The following LYST variants were observed in gnomAD, a reference collection of about 807,000 sequenced individuals.
The protein encoded by LYST is lysosomal trafficking regulator.
LYST carries 192 observed loss-of-function variants against 413.6 expected under a neutral mutation model. That is an observed-to-expected ratio of 0.46 (90% confidence interval 0.41 to 0.52). The LOEUF is 0.52. LYST is among the 20% of genes least tolerant of loss of function. The pLI, the probability that LYST is intolerant of heterozygous loss-of-function variation, is 0.00. For synonymous variants in LYST, 1,525 were observed against 1,567.3 expected (o/e 0.97, Z 0.64); for missense variants, 3,815 against 4,499.9 (o/e 0.85, Z 4.35).
chr1:235,698,893 A>T (rs1661322293), intron 45 of LYST, among the ~76,000 whole-genome samples: 2 of 151,862 alleles, frequency 1.3e-5, no homozygotes, highest in Admixed American at 6.6e-5. Context: ...AAACAAAAAC[A>T]AAAAAAATCA....
chr1:235,837,069 T>C (rs1190498715), intron 1 of LYST, among the ~76,000 whole-genome samples: 1 of 152,136 alleles, frequency 6.6e-6, no homozygotes, highest in Non-Finnish European at 1.5e-5. Flanking sequence ...CCACACAATA[T>C]AGCAGACAAA....
chr1:235,692,257 C>T (rs1457333417), intron 47 of LYST, among the ~76,000 whole-genome samples: 1 of 151,282 alleles, frequency 6.6e-6, no homozygotes. Flanking sequence ...TGCTTGAATC[C>T]GGGAGGCGGA....
intron 1 of LYST, among the ~76,000 whole-genome samples, chr1:235,845,235 T>C (rs746129138): frequency 6.6e-6 from 1 of 152,208 alleles, no homozygotes; most frequent in Non-Finnish European, 1.5e-5. Context: ...GCTGAAGGTC[T>C]GTTTGCTGGA....
intron 38 of LYST, 27 bp downstream of exon 38, chr1:235,728,049 T>C (rs762788964): frequency 5.8e-6 from 9 of 1,554,750 alleles, no homozygotes; most frequent in Middle Eastern, 1.7e-4. Flanking sequence ...TAGATTTATG[T>C]AAATACAGAC....
intron 47 of LYST, among the ~76,000 whole-genome samples, chr1:235,688,984 A>AAATAATAATAATAATAAT (rs35849101): frequency 7.4e-6 from 1 of 135,930 alleles, no homozygotes; most frequent in African/African-American, 2.8e-5. Flanking sequence ...ACTCCGTCTC[A>AAATAATAATAATAATAAT]AATAATAATA....
rs147899661 is a variant in LYST at position 235,730,931 on chromosome 1, G to A, written c.8960C>T (p.Pro2987Leu). 1 of 1,612,376 alleles carries A rather than the reference G, an allele frequency of 6.2e-7. No homozygotes were observed. The highest frequency in any genetic ancestry group is 8.5e-7 in the Non-Finnish European group (1 of 1,178,602). The change falls in exon 36 of 53, where the codon CCA becomes CTA. Residue 2987 changes from proline to leucine, a missense_variant. By Grantham distance (98) the Pro-to-Leu change is moderately conservative. Around this residue, in one of 4 missense-constraint regions of LYST, gnomAD observed 866 missense variants for 1,156.0 expected, o/e 0.75. Transcript: ENST00000389793. Reference sequence around the variant, plus strand: ...GTCTTCAAACAGGTAAGAGAGTGGTGGTTTGACAACATCTGTTGAGGAGAA... The same window carrying A: ...GTCTTCAAACAGGTAAGAGAGTGGTAGTTTGACAACATCTGTTGAGGAGAA... ...DRQKSEDVVK[P>L]PLSYLFEDKT... is the part of the protein sequence containing the mutation.
intron 21 of LYST, among the ~76,000 whole-genome samples, chr1:235,764,526 G>C (rs1471741519): frequency 7.7e-6 from 1 of 129,514 alleles, no homozygotes; most frequent in African/African-American, 2.9e-5. Context: ...TGAGATGGAG[G>C]TTTGCTCTTG....
intron 42 of LYST, among the ~76,000 whole-genome samples, chr1:235,714,778 T>C (rs1437917470): frequency 6.6e-6 from 1 of 152,200 alleles, no homozygotes; most frequent in East Asian, 1.9e-4. Context: ...ATTAACTAGT[T>C]ATAATAAACC....
At position 235,730,957 on chromosome 1, in the gene LYST, A is replaced by G. The variant is rs1169718733; in HGVS notation, c.8948-14T>C. On this transcript the variant is annotated splice_polypyrimidine_tract_variant and intron_variant, in intron 35 of 52. Transcript: ENST00000389793. Reference sequence around the variant, plus strand: ...GTTTGACAACATCTGTTGAGGAGAAAAGTAAATATTATCTTTATCTAATGA... The same window carrying G: ...GTTTGACAACATCTGTTGAGGAGAAGAGTAAATATTATCTTTATCTAATGA... 1.2e-6 allele frequency: 2 copies of G among 1,608,408 alleles called. No homozygotes were observed. Among genetic ancestry groups the G allele is most frequent in the Admixed American group, 1.7e-5 (1 of 59,988 alleles).
intron 13 of LYST, 87 bp from the exon 14 acceptor site, chr1:235,787,460 ATAAG>A (rs1230773129): frequency 8.3e-6 from 9 of 1,078,122 alleles, no homozygotes; most frequent in Middle Eastern, 2.8e-4. Context: ...ATAATTCTAA[ATAAG>A]TAAGATTAAA....
At chr1:235,777,944 A>G (rs1669445871) in intron 16 of LYST, among the ~76,000 whole-genome samples, 1 of 151,694 alleles carries the variant, frequency 6.6e-6, no homozygotes, top group Non-Finnish European at 1.5e-5. Flanking sequence ...TTTCTTAGAG[A>G]CAGTGTCTTG....
intron 36 of LYST, 122 bp from the exon 37 acceptor site, chr1:235,729,779 G>T: frequency 1.4e-6 from 1 of 719,276 alleles, no homozygotes; most frequent in South Asian, 1.5e-5. Context: ...CCAATAGCAT[G>T]AGGTATCTTG....
rs568559843 is a variant in LYST, at chr1:235,698,597, C to A, written c.10375-1325G>T. Among the ~76,000 whole-genome samples the A allele has an allele frequency of 3.3e-5, 5 of 152,042 alleles. No individual in the cohort carries two copies. The South Asian group carries it at 1.0e-3, about 32-fold the overall frequency. On this transcript the variant is annotated intron_variant, in intron 45 of 52. Coordinates refer to ENST00000389793, the MANE Select transcript of LYST (RefSeq NM_000081.4). ...AATATTAAAGTTGAGAAAGGCCGGG[C>A]GCGGTGGCTCAAGCCTGTAATCCCA... is the stretch of plus-strand genomic sequence containing the variant.
intron 46 of LYST, among the ~76,000 whole-genome samples, chr1:235,696,192 G>C (rs1359829282): frequency 6.6e-6 from 1 of 152,164 alleles, no homozygotes; most frequent in African/African-American, 2.4e-5. Context: ...ATAAGAGTGA[G>C]CCTAAAAGAA....
At chr1:235,768,372 A>G (rs1363936029) in intron 20 of LYST, among the ~76,000 whole-genome samples, 1 of 152,048 alleles carries the variant, frequency 6.6e-6, no homozygotes, top group South Asian at 2.1e-4. Flanking sequence ...ACCAGGGTTC[A>G]GGTTCTTTAT....
Position 235,718,482 on chromosome 1 carries a change from G to A in LYST, c.9561-1704C>T, listed in dbSNP as rs533976541. On this transcript the variant is annotated intron_variant, in intron 40 of 52. Coordinates refer to ENST00000389793, the MANE Select transcript of LYST (RefSeq NM_000081.4). ...CTCAGCTTCCTGAGTAGTTGGTCTC[G>A]AACTCCTGACGTCAGGTGATCTGCC... 4.0e-5 allele frequency among the ~76,000 whole-genome samples: 6 copies of A among 150,186 alleles called. No homozygotes were observed. The East Asian group carries it at 8.0e-4, about 20-fold the overall frequency.
At chr1:235,792,181 A>G in intron 11 of LYST, 56 bp from the exon 12 acceptor site, 1 of 1,147,266 alleles carries the variant, frequency 8.7e-7, no homozygotes, top group South Asian at 1.3e-5. Flanking sequence ...AGTACATAAT[A>G]ATCTTGAAAT....
At chr1:235,683,230 G>A (rs1007541656) in intron 48 of LYST, among the ~76,000 whole-genome samples, 3 of 152,164 alleles carry the variant, frequency 2.0e-5, no homozygotes, top group South Asian at 2.1e-4. Context: ...AACTTCCAGC[G>A]GGTCGAGCAG....
intron 30 of LYST, 64 bp from the exon 31 acceptor site, chr1:235,741,692 C>T: frequency 8.7e-7 from 1 of 1,146,028 alleles, no homozygotes; most frequent in Non-Finnish European, 1.3e-6. Flanking sequence ...ATGCTAGCCT[C>T]AACACAGCCC....
Sources: gnomAD v4.1 joint callset for allele counts (sites outside exome capture counted in the v4.1 genomes callset) on GRCh38, gnomAD v4.1.1 for gene constraint, gnomAD v4.1.1 regional missense constraint, MANE v1.5 for transcripts, NCBI Gene and HGNC (gene_info 2026-07-23, HGNC 2026-07-21) for gene names.